NBEA: variants seen among roughly 807,000 people sequenced by gnomAD.
NBEA encodes neurobeachin.
A neutral mutation model predicts 343.4 loss-of-function variants in NBEA; 44 were observed. That is an observed-to-expected ratio of 0.13 (90% CI 0.10 to 0.16). The LOEUF (loss-of-function observed/expected upper bound fraction) is 0.16, where lower values mean the gene tolerates loss of function less well. NBEA is among the 10% of genes least tolerant of loss of function. NBEA has a pLI of 1.00. For synonymous variants in NBEA, 1,175 were observed against 1,238.7 expected (o/e 0.95, Z 1.08); for missense variants, 2,555 against 3,631.3 (o/e 0.70, Z 7.62).
At chr13:35,529,787 A>AT (rs1042889055) in intron 41 of NBEA, among the ~76,000 whole-genome samples, 4 of 152,088 alleles carry the variant, frequency 2.6e-5, no homozygotes, top group Non-Finnish European at 5.9e-5. Flanking sequence ...ATAATGGTAC[A>AT]TTTTTCCCAG....
At chr13:35,188,967 T>A (rs756846398) in intron 30 of NBEA, among the ~76,000 whole-genome samples, 5 of 150,330 alleles carry the variant, frequency 3.3e-5, no homozygotes, top group African/African-American at 4.9e-5. Context: ...TCACCCTGGC[T>A]TGAGTGCAGT....
chr13:35,272,947 G>A (rs1048571920), intron 34 of NBEA, among the ~76,000 whole-genome samples: 1 of 152,112 alleles, frequency 6.6e-6, no homozygotes, highest in Non-Finnish European at 1.5e-5. Flanking sequence ...AGATCAATGA[G>A]ACCAAAGGTT....
At chr13:35,460,120 G>A (rs981133481) in intron 40 of NBEA, among the ~76,000 whole-genome samples, 1 of 152,032 alleles carries the variant, frequency 6.6e-6, no homozygotes, top group African/African-American at 2.4e-5. Context: ...GTATTTAGGG[G>A]GAAAATATCT....
chr13:35,137,465 C>G (rs1040817752), intron 17 of NBEA, among the ~76,000 whole-genome samples: 3 of 150,862 alleles, frequency 2.0e-5, no homozygotes, highest in Non-Finnish European at 1.5e-5. Flanking sequence ...AAAAAAAAAG[C>G]CCTTCATGTG....
intron 1 of NBEA, among the ~76,000 whole-genome samples, chr13:35,030,945 C>T (rs185701025): frequency 6.6e-6 from 1 of 151,754 alleles, no homozygotes; most frequent in East Asian, 1.9e-4. Flanking sequence ...ATTCCTTTCA[C>T]AGCCGACTCC....
At chr13:35,044,323 T>G (rs1289969550) in intron 2 of NBEA, among the ~76,000 whole-genome samples, 3 of 152,150 alleles carry the variant, frequency 2.0e-5, no homozygotes, top group African/African-American at 7.2e-5. Flanking sequence ...TTGCTCATTT[T>G]AAAAGGGGAT....
intron 41 of NBEA, among the ~76,000 whole-genome samples, chr13:35,508,433 C>G (rs541611398): frequency 6.6e-6 from 1 of 152,216 alleles, no homozygotes; most frequent in South Asian, 2.1e-4. Flanking sequence ...AATGATTACT[C>G]TAATGTTAGC....
At chr13:35,024,455 C>T (rs535092848) in intron 1 of NBEA, among the ~76,000 whole-genome samples, 25 of 151,906 alleles carry the variant, frequency 1.6e-4, no homozygotes, top group Admixed American at 3.3e-4. Context: ...ATGGATCACC[C>T]GAAGTCAAGA....
chr13:35,304,923 G>A (rs916479256), intron 35 of NBEA, among the ~76,000 whole-genome samples: 2 of 151,748 alleles, frequency 1.3e-5, no homozygotes, highest in African/African-American at 2.4e-5. Flanking sequence ...TTATACTAAT[G>A]TTCTTGGTTT....
At chr13:34,998,662 C>T (rs915884207) in intron 1 of NBEA, among the ~76,000 whole-genome samples, 13 of 152,262 alleles carry the variant, frequency 8.5e-5, no homozygotes, top group East Asian at 5.8e-4. Flanking sequence ...CCCAGCTCAC[C>T]GGCAGTCAGA....
intron 17 of NBEA, among the ~76,000 whole-genome samples, chr13:35,131,689 A>G (rs929273194): frequency 8.5e-5 from 13 of 152,320 alleles, no homozygotes; most frequent in African/African-American, 2.9e-4. Context: ...ATATTTTGGC[A>G]TTTATGAAAC....
intron 4 of NBEA, among the ~76,000 whole-genome samples, chr13:35,045,981 C>T (rs2062838646): frequency 6.6e-6 from 1 of 152,126 alleles, no homozygotes; most frequent in African/African-American, 2.4e-5. Context: ...GCCTAGGCCT[C>T]CCAAAGTGCT....
chr13:35,576,662 G>A (rs1371285221), intron 45 of NBEA, among the ~76,000 whole-genome samples: 1 of 152,060 alleles, frequency 6.6e-6, no homozygotes, highest in Non-Finnish European at 1.5e-5. Context: ...AGAGACAACT[G>A]TTGATATACT....
chr13:35,222,927 G>C (rs892095572), intron 33 of NBEA, among the ~76,000 whole-genome samples: 5 of 152,082 alleles, frequency 3.3e-5, no homozygotes, highest in Non-Finnish European at 7.4e-5. Context: ...TCAGGAATTT[G>C]AGAGTACTAG....
chr13:35,505,356 G>T (rs766086367), intron 41 of NBEA, among the ~76,000 whole-genome samples: 1 of 152,142 alleles, frequency 6.6e-6, no homozygotes, highest in Non-Finnish European at 1.5e-5. Flanking sequence ...ACGATGCTCC[G>T]CAGTTAATGT....
chr13:35,000,696 G>T (rs1391689116), intron 1 of NBEA, among the ~76,000 whole-genome samples: 2 of 151,728 alleles, frequency 1.3e-5, no homozygotes, highest in Admixed American at 1.3e-4. Context: ...GAGGGGAAGG[G>T]GTTGAGATGG....
At chr13:35,020,972 A>T (rs1412475842) in intron 1 of NBEA, among the ~76,000 whole-genome samples, 8 of 152,094 alleles carry the variant, frequency 5.3e-5, no homozygotes, top group Non-Finnish European at 8.8e-5. Flanking sequence ...TTACAAAGCT[A>T]TTATTAGATG....
intron 41 of NBEA, chr13:35,476,063 C>A (rs747432918): frequency 1.9e-6 from 3 of 1,614,076 alleles, no homozygotes; most frequent in Non-Finnish European, 2.5e-6. Flanking sequence ...TTGGCAATGG[C>A]AGCTTTCCTG....
intron 1 of NBEA, among the ~76,000 whole-genome samples, chr13:34,997,053 C>T (rs1178661210): frequency 2.0e-5 from 3 of 152,012 alleles, no homozygotes; most frequent in Admixed American, 1.3e-4. Flanking sequence ...GTAGGGATTC[C>T]GTGATTGCCA....
Sources: allele counts gnomAD v4.1 joint callset (sites outside exome capture counted in the v4.1 genomes callset), GRCh38; gene constraint gnomAD v4.1.1; transcripts MANE v1.5; gene names NCBI Gene and HGNC (gene_info 2026-07-23, HGNC 2026-07-21).